AFF3: variants seen among roughly 807,000 people sequenced by gnomAD.
AFF3 encodes the protein AF4/FMR2 family member 3.
A neutral mutation model predicts 129.7 loss-of-function variants in AFF3; 32 were observed. The observed-to-expected ratio is 0.25, with a 90% confidence interval of 0.19 to 0.33. The LOEUF is 0.33. AFF3 is among the 10% of genes least tolerant of loss of function. The pLI is 1.00. For missense variants in AFF3, 1,373 were observed against 1,592.0 expected, an observed-to-expected ratio of 0.86 and a Z score of 2.34; for synonymous variants, 644 against 635.4, an observed-to-expected ratio of 1.01 and a Z score of -0.20.
intron 20 of AFF3, among the ~76,000 whole-genome samples, chr2:99,563,810 CAAAA>C (rs34843347): frequency 6.6e-5 from 5 of 76,100 alleles, no homozygotes; most frequent in South Asian, 6.5e-4. Context: ...AATTTAGTCT[CAAAA>C]AAAAAAAAAA....
At chr2:99,890,836 G>A (rs1460288548) in intron 7 of AFF3, among the ~76,000 whole-genome samples, 1 of 152,126 alleles carries the variant, frequency 6.6e-6, no homozygotes, top group Non-Finnish European at 1.5e-5. Flanking sequence ...CAGACTGGGA[G>A]TTCATTTCCT....
chr2:100,050,510 T>C (rs1573258177), intron 4 of AFF3, among the ~76,000 whole-genome samples: 1 of 152,034 alleles, frequency 6.6e-6, no homozygotes. Flanking sequence ...ATGTTTCTTG[T>C]ATAAAGACTC....
intron 14 of AFF3, among the ~76,000 whole-genome samples, chr2:99,598,752 G>C (rs1429194955): frequency 6.6e-6 from 1 of 152,180 alleles, no homozygotes; most frequent in Non-Finnish European, 1.5e-5. Context: ...TCAGGAAAAG[G>C]AGTCTTACAG....
At chr2:99,898,284 C>G (rs755024456) in intron 7 of AFF3, among the ~76,000 whole-genome samples, 2 of 152,220 alleles carry the variant, frequency 1.3e-5, no homozygotes, top group Admixed American at 6.5e-5. Flanking sequence ...ACCCCGTGTG[C>G]AGCACAACGT....
intron 9 of AFF3, among the ~76,000 whole-genome samples, chr2:99,744,842 A>G (rs539839609): frequency 1.5e-4 from 23 of 152,298 alleles, no homozygotes; most frequent in Admixed American, 6.5e-4. Flanking sequence ...TACTGCCACG[A>G]ATATGCAGGT....
At chr2:99,672,627 TA>T (rs760074066) in intron 11 of AFF3, 38 bp from the exon 12 acceptor site, 2 of 1,593,128 alleles carry the variant, frequency 1.3e-6, no homozygotes, top group Non-Finnish European at 1.7e-6. Context: ...GAGGTACAGA[TA>T]GTTAGTGGAT....
At chr2:99,729,492 G>C (rs910147135) in intron 10 of AFF3, among the ~76,000 whole-genome samples, 1 of 152,014 alleles carries the variant, frequency 6.6e-6, no homozygotes, top group African/African-American at 2.4e-5. Context: ...TTGCCTTTCT[G>C]GGGGGAAAAG....
At chr2:100,107,069 A>G (rs1260179429) in intron 2 of AFF3, 6 of 985,338 alleles carry the variant, frequency 6.1e-6, no homozygotes, top group Non-Finnish European at 7.2e-6. Context: ...AGGAATAGCC[A>G]TGATTTTCTG....
At chr2:100,008,033 C>G (rs193143856) in intron 5 of AFF3, 124 of 153,408 alleles carry the variant, frequency 8.1e-4, no homozygotes, top group Non-Finnish European at 1.2e-3. Context: ...GCAGCTAAAA[C>G]AGATTACCTG....
rs1686404905 is a variant in AFF3 at position 99,807,021 on chromosome 2, T to C, written c.921+30456A>G. ...GAGGCTTTTGCAGAACTGGGAAGCA[T>C]GGCATTCGTCTCAGCCTAACCCCCC... On this transcript the variant is annotated intron_variant, in intron 8 of 24. Transcript: ENST00000672756. 1.1e-4 allele frequency among the ~76,000 whole-genome samples: 17 copies of C among 152,146 alleles called. 1 individual carries two copies. Among genetic ancestry groups the C allele is most frequent in the Admixed American group, 1.0e-3 (16 of 15,264 alleles).
intron 11 of AFF3, among the ~76,000 whole-genome samples, chr2:99,711,573 T>C (rs1377150327): frequency 1.3e-5 from 2 of 152,330 alleles, no homozygotes; most frequent in East Asian, 3.9e-4. Context: ...ATATGCAAGC[T>C]TGGCATTTAG....
chr2:99,965,117 G>A (rs1030379785), intron 7 of AFF3, among the ~76,000 whole-genome samples: 7 of 152,160 alleles, frequency 4.6e-5, no homozygotes, highest in East Asian at 3.8e-4. Flanking sequence ...TATAAACCAC[G>A]CGAAATGAAC....
At chr2:99,793,773 A>T (rs1192817882) in intron 8 of AFF3, among the ~76,000 whole-genome samples, 1 of 152,128 alleles carries the variant, frequency 6.6e-6, no homozygotes, top group African/African-American at 2.4e-5. Flanking sequence ...TCTATTTTTA[A>T]TGAGTTCTGC....
At chr2:99,792,713 C>T (rs1025259961) in intron 8 of AFF3, among the ~76,000 whole-genome samples, 2 of 152,020 alleles carry the variant, frequency 1.3e-5, no homozygotes, top group East Asian at 3.9e-4. Flanking sequence ...TTTTCTGCAC[C>T]GATTGAAATA....
chr2:99,612,301 A>C (rs1193436100), intron 13 of AFF3, among the ~76,000 whole-genome samples: 1 of 152,234 alleles, frequency 6.6e-6, no homozygotes, highest in Non-Finnish European at 1.5e-5. Flanking sequence ...AAAGCTGACG[A>C]ATGAAACAAT....
chr2:99,582,194 C>T (rs530423819), intron 17 of AFF3, among the ~76,000 whole-genome samples: 4 of 152,140 alleles, frequency 2.6e-5, no homozygotes, highest in Non-Finnish European at 5.9e-5. Context: ...AGTCTTATCA[C>T]TACCATTTTG....
At chr2:99,866,743 G>A (rs1025536972) in intron 7 of AFF3, among the ~76,000 whole-genome samples, 4 of 151,926 alleles carry the variant, frequency 2.6e-5, no homozygotes, top group African/African-American at 4.8e-5. Context: ...TTGGGAGGCC[G>A]AGGCAGGCGG....
At chr2:99,719,274 C>A (rs1486237760) in intron 11 of AFF3, among the ~76,000 whole-genome samples, 1 of 152,016 alleles carries the variant, frequency 6.6e-6, no homozygotes, top group Admixed American at 6.6e-5. Flanking sequence ...GTAAACCAAC[C>A]ATGCACTCCT....
chr2:99,745,561 T>C (rs532517165), intron 9 of AFF3, among the ~76,000 whole-genome samples: 3 of 152,274 alleles, frequency 2.0e-5, no homozygotes, highest in African/African-American at 4.8e-5. Context: ...CCTATTATCA[T>C]ATTGACTTTT....
Sources: allele counts gnomAD v4.1 joint callset (sites outside exome capture counted in the v4.1 genomes callset), GRCh38; gene constraint gnomAD v4.1.1; transcripts MANE v1.5; gene names NCBI Gene and HGNC (gene_info 2026-07-23, HGNC 2026-07-21).